FHIT: variants seen among roughly 807,000 people sequenced by gnomAD.
FHIT encodes the protein bis(5'-adenosyl)-triphosphatase.
FHIT carries 19 observed loss-of-function variants against 17.9 expected under a neutral mutation model. That is an observed-to-expected ratio of 1.06 (90% CI 0.74 to 1.56). The LOEUF (loss-of-function observed/expected upper bound fraction) is 1.56, where lower values mean the gene tolerates loss of function less well. Among genes scored for constraint, FHIT ranks in the 40% most tolerant of loss-of-function variants. The pLI is 0.00. For synonymous variants in FHIT, 81 were observed against 69.7 expected (o/e 1.16, Z -0.81); for missense variants, 248 against 189.2 (o/e 1.31, Z -1.82).
intron 4 of FHIT, among the ~76,000 whole-genome samples, chr3:60,761,711 G>C (rs1553719964): frequency 1.3e-5 from 2 of 148,698 alleles, no homozygotes; most frequent in African/African-American, 5.0e-5. Context: ...CTGTGACAAT[G>C]ATAGTGAGAC....
intron 4 of FHIT, among the ~76,000 whole-genome samples, chr3:60,669,430 G>C (rs1356289102): frequency 1.3e-5 from 2 of 152,114 alleles, no homozygotes; most frequent in African/African-American, 4.8e-5. Context: ...ATAATGCTGT[G>C]ACAGATTTCC....
chr3:60,856,368 G>C (rs1474884245), intron 3 of FHIT: 2 of 152,204 alleles, frequency 1.3e-5, no homozygotes, highest in East Asian at 1.9e-4. Flanking sequence ...TGCAGCCAAA[G>C]AGATTTTTTT....
intron 3 of FHIT, among the ~76,000 whole-genome samples, chr3:60,975,751 C>A (rs1049763921): frequency 6.6e-6 from 1 of 152,066 alleles, no homozygotes; most frequent in Non-Finnish European, 1.5e-5. Flanking sequence ...AAAACTCTTA[C>A]CAAATTAAAT....
intron 5 of FHIT, among the ~76,000 whole-genome samples, chr3:60,281,893 A>G (rs937471950): frequency 1.3e-5 from 2 of 152,200 alleles, no homozygotes; most frequent in African/African-American, 4.8e-5. Context: ...AGGACAAGGC[A>G]CAGAATGGTA....
intron 3 of FHIT, among the ~76,000 whole-genome samples, chr3:60,990,383 A>G (rs948098755): frequency 1.3e-5 from 2 of 152,216 alleles, no homozygotes; most frequent in Non-Finnish European, 2.9e-5. Context: ...CCACGCATTG[A>G]GCAGAACAAA....
At chr3:60,899,786 A>G (rs1706011962) in intron 3 of FHIT, among the ~76,000 whole-genome samples, 1 of 152,210 alleles carries the variant, frequency 6.6e-6, no homozygotes, top group Non-Finnish European at 1.5e-5. Context: ...AAAACTGACC[A>G]TAATCCCAGG....
At chr3:61,214,955 C>A (rs188440107) in intron 1 of FHIT, among the ~76,000 whole-genome samples, 89 of 151,908 alleles carry the variant, frequency 5.9e-4, no homozygotes, top group African/African-American at 2.1e-3. Flanking sequence ...CAAAATTCAA[C>A]AACTCTTCAT....
At chr3:60,386,315 T>C (rs1344379743) in intron 5 of FHIT, among the ~76,000 whole-genome samples, 2 of 152,134 alleles carry the variant, frequency 1.3e-5, no homozygotes, top group African/African-American at 4.8e-5. Context: ...AGCTGCACAT[T>C]TTTTGAGGAA....
chr3:60,337,035 A>G (rs1328789323), intron 5 of FHIT, among the ~76,000 whole-genome samples: 1 of 152,168 alleles, frequency 6.6e-6, no homozygotes, highest in Non-Finnish European at 1.5e-5. Flanking sequence ...CCACACACAA[A>G]CTACAACACA....
intron 5 of FHIT, among the ~76,000 whole-genome samples, chr3:60,510,000 G>A (rs2034886684): frequency 6.6e-6 from 1 of 152,148 alleles, no homozygotes; most frequent in African/African-American, 2.4e-5. Flanking sequence ...CTACAGCTTG[G>A]TGAGGTTGAC....
At chr3:60,569,734 T>TATATATATAC (rs1553654736) in intron 4 of FHIT, among the ~76,000 whole-genome samples, 43 of 44,074 alleles carry the variant, frequency 9.8e-4, no homozygotes, top group South Asian at 3.8e-3. Context: ...ACTATATATA[T>TATATATATAC]ATATATATAT....
chr3:60,969,319 CT>C (rs1244685137), intron 3 of FHIT, among the ~76,000 whole-genome samples: 3 of 151,918 alleles, frequency 2.0e-5, no homozygotes, highest in Non-Finnish European at 4.4e-5. Context: ...TTACTAATAT[CT>C]TTTTTAGTGC....
At chr3:60,772,095 A>G (rs570628433) in intron 4 of FHIT, among the ~76,000 whole-genome samples, 1 of 152,192 alleles carries the variant, frequency 6.6e-6, no homozygotes, top group South Asian at 2.1e-4. Context: ...AGTTGAACCA[A>G]TAAATATGTC....
chr3:60,439,609 T>G (rs1219910564), intron 5 of FHIT, among the ~76,000 whole-genome samples: 1 of 151,930 alleles, frequency 6.6e-6, no homozygotes, highest in Non-Finnish European at 1.5e-5. Flanking sequence ...TCCAGGCACA[T>G]CTCCCTTCTG....
At chr3:60,902,912 C>A (rs1706196998) in intron 3 of FHIT, among the ~76,000 whole-genome samples, 1 of 152,132 alleles carries the variant, frequency 6.6e-6, no homozygotes, top group African/African-American at 2.4e-5. Context: ...AAGGAGGTTA[C>A]AAGAGAGTCT....
At chr3:60,760,184 C>T (rs1435683275) in intron 4 of FHIT, among the ~76,000 whole-genome samples, 4 of 152,144 alleles carry the variant, frequency 2.6e-5, no homozygotes, top group African/African-American at 9.7e-5. Flanking sequence ...GGGAGAGGAA[C>T]CCAAATGATG....
At chr3:59,911,905 T>C (rs1704896680) in intron 8 of FHIT, among the ~76,000 whole-genome samples, 1 of 152,140 alleles carries the variant, frequency 6.6e-6, no homozygotes, top group Non-Finnish European at 1.5e-5. Flanking sequence ...GTGGTATTTT[T>C]TGGGTGCCGG....
chr3:60,552,842 G>A (rs2036605360), intron 4 of FHIT, among the ~76,000 whole-genome samples: 1 of 152,220 alleles, frequency 6.6e-6, no homozygotes, highest in Non-Finnish European at 1.5e-5. Flanking sequence ...ATTTATTTCT[G>A]AGTGGGGCCA....
chr3:59,876,128 G>A (rs1475261830), intron 8 of FHIT, among the ~76,000 whole-genome samples: 2 of 151,924 alleles, frequency 1.3e-5, no homozygotes, highest in Non-Finnish European at 1.5e-5. Context: ...TGTATTTAAT[G>A]CCACTGAACT....
Sources: allele counts gnomAD v4.1 joint callset (sites outside exome capture counted in the v4.1 genomes callset), GRCh38; gene constraint gnomAD v4.1.1; transcripts MANE v1.5; gene names NCBI Gene and HGNC (gene_info 2026-07-23, HGNC 2026-07-21).